Variants in CORO2B observed in about 807,000 individuals in gnomAD.
CORO2B encodes coronin 2B.
In CORO2B, 26 loss-of-function variants were observed where a neutral mutation model predicts 58.8. The ratio of observed to expected loss-of-function variants is 0.44; its 90% CI spans 0.32 to 0.61. The LOEUF is 0.61. CORO2B is among the 20% of genes least tolerant of loss of function. CORO2B has a pLI of 0.04. For missense variants in CORO2B, 460 were observed against 645.1 expected (o/e 0.71, Z 3.11); for synonymous variants, 242 against 253.8 (o/e 0.95, Z 0.44).
chr15:68,521,756 T>A, the CORO2B span, among the ~76,000 whole-genome samples: 1 of 150,796 alleles, frequency 6.6e-6, no homozygotes, highest in Non-Finnish European at 1.5e-5. Context: ...TTTTCTTTTC[T>A]TTTTTGTTTT....
At chr15:68,580,765 G>A (rs577226640) in intron 1 of CORO2B, among the ~76,000 whole-genome samples, 7 of 152,206 alleles carry the variant, frequency 4.6e-5, no homozygotes, top group South Asian at 2.1e-4. Flanking sequence ...GGATGGGCCC[G>A]GCTAGAGAGA....
At chr15:68,723,780 T>C (rs1375212774) in intron 11 of CORO2B, among the ~76,000 whole-genome samples, 1 of 152,126 alleles carries the variant, frequency 6.6e-6, no homozygotes, top group Non-Finnish European at 1.5e-5. Context: ...TTATTTTTGT[T>C]TTAAACATAA....
chr15:68,606,060 G>T (rs1035465108), intron 1 of CORO2B, among the ~76,000 whole-genome samples: 2 of 152,018 alleles, frequency 1.3e-5, no homozygotes, highest in African/African-American at 4.8e-5. Context: ...CTGGGTGGGT[G>T]AAGCCTCGTT....
intron 2 of CORO2B, among the ~76,000 whole-genome samples, chr15:68,654,587 C>T (rs1031646522): frequency 6.6e-6 from 1 of 152,204 alleles, no homozygotes; most frequent in African/African-American, 2.4e-5. Flanking sequence ...GTAGCTCCAC[C>T]CCTTAGCTGT....
At chr15:68,585,318 C>G (rs2140559820) in intron 1 of CORO2B, among the ~76,000 whole-genome samples, 1 of 152,290 alleles carries the variant, frequency 6.6e-6, no homozygotes, top group East Asian at 1.9e-4. Flanking sequence ...GAGCCAGAAC[C>G]TTTTCAATCC....
At chr15:68,518,805 G>A in the CORO2B span, among the ~76,000 whole-genome samples, 24 of 152,126 alleles carry the variant, frequency 1.6e-4, no homozygotes, top group Non-Finnish European at 3.2e-4. Context: ...TTTCTTGACA[G>A]CCATAAACAC....
intron 1 of CORO2B, among the ~76,000 whole-genome samples, chr15:68,608,901 A>G (rs181607548): frequency 6.6e-6 from 1 of 152,248 alleles, no homozygotes; most frequent in African/African-American, 2.4e-5. Flanking sequence ...CATCCGTTCA[A>G]CAAGTGCTTA....
intron 1 of CORO2B, among the ~76,000 whole-genome samples, chr15:68,594,201 C>T (rs1899772365): frequency 6.6e-6 from 1 of 152,212 alleles, no homozygotes; most frequent in African/African-American, 2.4e-5. Context: ...GTCCACCTGG[C>T]ATGGAAGGCT....
chr15:68,537,267 T>A, the CORO2B span, among the ~76,000 whole-genome samples: 9 of 152,164 alleles, frequency 5.9e-5, no homozygotes, highest in African/African-American at 2.2e-4. Context: ...TTTCCCAGAG[T>A]TCCCTTCAGG....
chr15:68,527,213 T>A, the CORO2B span, among the ~76,000 whole-genome samples: 1 of 152,336 alleles, frequency 6.6e-6, no homozygotes, highest in Admixed American at 6.5e-5. Flanking sequence ...AAAACCAAGT[T>A]ATGAATTTTT....
At chr15:68,722,223 A>G (rs1456093812) in intron 11 of CORO2B, among the ~76,000 whole-genome samples, 1 of 152,188 alleles carries the variant, frequency 6.6e-6, no homozygotes, top group Non-Finnish European at 1.5e-5. Flanking sequence ...AGACTTGCCT[A>G]TGGAATCAGA....
the CORO2B span, among the ~76,000 whole-genome samples, chr15:68,553,139 T>C: frequency 1.3e-5 from 2 of 151,906 alleles, no homozygotes; most frequent in African/African-American, 4.8e-5. Context: ...AAAGAGGAAA[T>C]CTCAGGGGCC....
intron 2 of CORO2B, among the ~76,000 whole-genome samples, chr15:68,653,045 T>C (rs1411958868): frequency 1.3e-5 from 2 of 152,172 alleles, no homozygotes; most frequent in Non-Finnish European, 2.9e-5. Context: ...AGTAGATGTT[T>C]CCAAACTCCA....
At chr15:68,566,557 C>T in the CORO2B span, among the ~76,000 whole-genome samples, 3 of 152,286 alleles carry the variant, frequency 2.0e-5, no homozygotes, top group African/African-American at 7.2e-5. Context: ...GGATACCCGG[C>T]GGACTCTTCA....
At chr15:68,558,147 G>A in the CORO2B span, among the ~76,000 whole-genome samples, 3 of 152,166 alleles carry the variant, frequency 2.0e-5, no homozygotes, top group African/African-American at 7.2e-5. Flanking sequence ...GCCTGGCGGA[G>A]GGCAGATAAG....
chr15:68,555,772 C>T, the CORO2B span, among the ~76,000 whole-genome samples: 1 of 151,588 alleles, frequency 6.6e-6, no homozygotes, highest in African/African-American at 2.4e-5. Context: ...GGGAAGTGGC[C>T]CCTCTCTCTG....
At chr15:68,555,484 G>A in the CORO2B span, among the ~76,000 whole-genome samples, 1 of 152,306 alleles carries the variant, frequency 6.6e-6, no homozygotes, top group Middle Eastern at 3.4e-3. Context: ...CCGAGGCTGG[G>A]GGCTGGGCAG....
intron 2 of CORO2B, among the ~76,000 whole-genome samples, chr15:68,665,919 T>G (rs939768887): frequency 6.6e-6 from 1 of 152,176 alleles, no homozygotes; most frequent in Non-Finnish European, 1.5e-5. Context: ...CTCTGGTATA[T>G]CTTTCTTTTT....
chr15:68,602,404 T>A (rs2140239990), intron 1 of CORO2B, among the ~76,000 whole-genome samples: 1 of 132,138 alleles, frequency 7.6e-6, no homozygotes, highest in Admixed American at 7.4e-5. Flanking sequence ...AATTAGGGGC[T>A]GATCACACAC....
Sources: allele counts gnomAD v4.1 joint callset (sites outside exome capture counted in the v4.1 genomes callset), GRCh38; gene constraint gnomAD v4.1.1; transcripts MANE v1.5; gene names NCBI Gene and HGNC (gene_info 2026-07-23, HGNC 2026-07-21).